Variants in PTPRM observed in about 807,000 individuals in gnomAD.
The protein encoded by PTPRM is protein tyrosine phosphatase receptor type M.
Under a neutral mutation model 186.7 loss-of-function variants are expected in PTPRM, and 47 were observed. The ratio of observed to expected loss-of-function variants is 0.25; its 90% CI spans 0.20 to 0.32. PTPRM has a LOEUF of 0.32. Ranked by LOEUF, PTPRM falls within the 10% of genes least tolerant of loss-of-function variation. The probability of loss-of-function intolerance (pLI) is 1.00; values close to 1 mark genes in which losing one functional copy is unlikely to be tolerated. For synonymous variants in PTPRM, 668 were observed against 674.9 expected, an observed-to-expected ratio of 0.99 and a Z score of 0.16; for missense variants, 1,494 against 1,865.0, an observed-to-expected ratio of 0.80 and a Z score of 3.66.
intron 14 of PTPRM, among the ~76,000 whole-genome samples, chr18:8,231,966 A>T (rs1005549506): frequency 6.6e-6 from 1 of 152,104 alleles, no homozygotes; most frequent in Non-Finnish European, 1.5e-5. Context: ...CATTCTTCAT[A>T]ATGCACCTAC....
chr18:8,240,776 G>C (rs1430629609), intron 14 of PTPRM, among the ~76,000 whole-genome samples: 3 of 61,450 alleles, frequency 4.9e-5, no homozygotes, highest in African/African-American at 9.2e-5. Flanking sequence ...GAGAGAGAGA[G>C]GGAGAGAGAG....
intron 1 of PTPRM, among the ~76,000 whole-genome samples, chr18:7,761,087 A>G (rs1448486242): frequency 6.6e-6 from 1 of 152,214 alleles, no homozygotes; most frequent in African/African-American, 2.4e-5. Context: ...GTTGACCTTG[A>G]GAAGGGTTAA....
intron 1 of PTPRM, among the ~76,000 whole-genome samples, chr18:7,588,045 T>C: frequency 6.6e-6 from 1 of 152,292 alleles, no homozygotes; most frequent in South Asian, 2.1e-4. Context: ...TGTAATAAGT[T>C]ATAAAACCAT....
chr18:8,252,980 T>C lies in PTPRM; in HGVS notation c.2567-247T>C, dbSNP rs1219843182. Reference sequence around the variant, plus strand: ...TGGAAGGCTAAAGGGCTCTTCTCAATTAGCTTTGTGAAAGCAATATATCGT... The same window carrying C: ...TGGAAGGCTAAAGGGCTCTTCTCAACTAGCTTTGTGAAAGCAATATATCGT... On this transcript the variant is annotated intron_variant, in intron 18 of 32. Coordinates refer to ENST00000580170, the MANE Select transcript of PTPRM (RefSeq NM_001105244.2). Among the ~76,000 whole-genome samples the C allele has an allele frequency of 2.0e-5, 3 of 152,254 alleles. No homozygotes were observed. In the East Asian group the frequency reaches 5.8e-4, roughly 29 times the overall value.
In PTPRM at chr18:8,319,122, T is replaced by TA. The variant is rs1197094820; in HGVS notation, c.2920-55dup. ...CTTTCAGCAAAGTTAGCATGCGACT[T>TA]ATCTGCTGTTTATCGATTTTATGTT... On this transcript the variant is annotated intron_variant, in intron 21 of 32. Coordinates refer to ENST00000580170, the MANE Select transcript of PTPRM (RefSeq NM_001105244.2). 3 of 1,208,474 alleles carry TA rather than the reference T, an allele frequency of 2.5e-6. No individual in the cohort carries two copies. In the Admixed American group the frequency reaches 5.8e-5, roughly 23 times the overall value. 74.9% of individuals were successfully genotyped at this position (1,208,474 alleles called of 1,614,324 possible). A position where few individuals can be genotyped will look rare whatever the true frequency, so the allele number is the denominator to read the frequency against.
intron 2 of PTPRM, among the ~76,000 whole-genome samples, chr18:7,887,435 A>G (rs1441785362): frequency 6.6e-6 from 1 of 152,118 alleles, no homozygotes; most frequent in Non-Finnish European, 1.5e-5. Flanking sequence ...GAACACCTCC[A>G]CTGTCAAGGA....
At chr18:8,379,061 C>CTT (rs1312836206) in intron 27 of PTPRM, 106 bp from the exon 28 acceptor site, 3 of 871,448 alleles carry the variant, frequency 3.4e-6, no homozygotes, top group Non-Finnish European at 5.0e-6. Context: ...GGGAAGGGAC[C>CTT]GTCTTGCAGT....
intron 22 of PTPRM, among the ~76,000 whole-genome samples, chr18:8,325,611 C>T (rs2095370918): frequency 6.6e-6 from 1 of 152,128 alleles, no homozygotes; most frequent in Non-Finnish European, 1.5e-5. Context: ...AGTGTGAATA[C>T]TGCTGTGATG....
chr18:8,098,515 T>C (rs2091122011), intron 11 of PTPRM, among the ~76,000 whole-genome samples: 1 of 152,168 alleles, frequency 6.6e-6, no homozygotes, highest in Non-Finnish European at 1.5e-5. Flanking sequence ...TTTTAAATTA[T>C]ATTTTCATCC....
chr18:8,389,791 T>C (rs2095799714), intron 31 of PTPRM, among the ~76,000 whole-genome samples: 1 of 152,154 alleles, frequency 6.6e-6, no homozygotes, highest in Non-Finnish European at 1.5e-5. Context: ...GTCTTCCTCT[T>C]GGAGGTAAGA....
intron 23 of PTPRM, among the ~76,000 whole-genome samples, chr18:8,350,946 T>C (rs1361952145): frequency 1.3e-5 from 2 of 152,150 alleles, no homozygotes; most frequent in Non-Finnish European, 2.9e-5. Flanking sequence ...GCAGAGCCTC[T>C]AGTCGCAGGG....
chr18:7,615,180 A>T (rs2037772084), intron 1 of PTPRM, among the ~76,000 whole-genome samples: 1 of 152,180 alleles, frequency 6.6e-6, no homozygotes, highest in African/African-American at 2.4e-5. Context: ...TAAAACAAAA[A>T]CCTCATCATT....
rs147860450 is a variant in PTPRM at position 8,277,050 on chromosome 18, C to T, written c.2755-19318C>T. On this transcript the variant is annotated intron_variant, in intron 19 of 32. Transcript: ENST00000580170. Reference sequence around the variant, plus strand: ...TGCCTGGGTTCAATTGATTCTCCTGCCTCAGCCCCCTGAGTAGCTGGGACT... The same window carrying T: ...TGCCTGGGTTCAATTGATTCTCCTGTCTCAGCCCCCTGAGTAGCTGGGACT... Among the ~76,000 whole-genome samples the T allele has an allele frequency of 4.9e-4, 74 of 152,084 alleles. 1 individual carries two copies. The highest frequency in any genetic ancestry group is 1.0e-3 in the Non-Finnish European group (68 of 67,992).
Position 7,906,543 on chromosome 18 carries a change from T to C in PTPRM, c.507T>C (p.Tyr169=). The change falls in exon 4 of 33, where the codon TAT becomes TAC. Residue 169 remains tyrosine (Y), a synonymous_variant. Coordinates refer to ENST00000580170, the MANE Select transcript of PTPRM (RefSeq NM_001105244.2). ...FEVITSGHQG[Y]LAIDEVKVLG... ...TGATAACTTCTGGACATCAAGGCTA[T>C]CTCGCTATCGATGAGGTGAAGGTGT... 4.3e-6 allele frequency: 7 copies of C among 1,613,750 alleles called. No individual in the cohort carries two copies. The highest frequency in any genetic ancestry group is 5.9e-6 in the Non-Finnish European group (7 of 1,179,598).
intron 7 of PTPRM, among the ~76,000 whole-genome samples, chr18:7,984,456 T>A (rs1355108387): frequency 1.3e-5 from 2 of 151,248 alleles, no homozygotes; most frequent in African/African-American, 4.9e-5. Flanking sequence ...AAATTGAAAA[T>A]CTGTACAGCT....
Position 7,842,930 on chromosome 18 carries a change from G to GTGTGTGTA in PTPRM, c.197-45175_197-45174insGTGTGTAT, listed in dbSNP as rs377182615. ...CTCATATGTGTGTGTGTGTGTGTGT[G>GTGTGTGTA]TATATATATATATATATAGAGAGAG... On this transcript the variant is annotated intron_variant, in intron 2 of 32. Coordinates refer to ENST00000580170, the MANE Select transcript of PTPRM (RefSeq NM_001105244.2). 2.9e-3 allele frequency among the ~76,000 whole-genome samples: 297 copies of GTGTGTGTA among 100,914 alleles called. 7 individuals carry two copies. The highest frequency in any genetic ancestry group is 0.014 in the African/African-American group (288 of 20,192). The allele number at this position is 100,914 out of a possible 152,430, so 66.2% of individuals were successfully genotyped here. A position where few individuals can be genotyped will look rare whatever the true frequency, so the allele number is the denominator to read the frequency against.
At chr18:8,184,169 T>C (rs2093613586) in intron 14 of PTPRM, among the ~76,000 whole-genome samples, 1 of 152,190 alleles carries the variant, frequency 6.6e-6, no homozygotes, top group Non-Finnish European at 1.5e-5. Context: ...AGACACAGTA[T>C]TCAAGCAGGC....
At position 7,567,943 on chromosome 18, in the gene PTPRM, G is replaced by GCCCGGGACT; in HGVS notation, c.73+60_73+61insTCCCGGGAC. 1 of 1,493,776 alleles carries GCCCGGGACT rather than the reference G, an allele frequency of 6.7e-7. No individual in the cohort carries two copies. Among genetic ancestry groups the GCCCGGGACT allele is most frequent in the Admixed American group, 2.5e-5 (1 of 40,346 alleles). The allele number at this position is 1,493,776 out of a possible 1,614,324, so 92.5% of individuals were successfully genotyped here. On this transcript the variant is annotated intron_variant, in intron 1 of 32. Transcript: ENST00000580170. The surrounding 1 kb of genome is among the most constrained non-coding windows in gnomAD (Gnocchi z 4.3). ...CGAGGCGCGCGGGCCGGCGCGGGAC[G>GCCCGGGACT]CCCGGGACGCCGACAGCTCCCTGGT... is the stretch of plus-strand genomic sequence containing the variant.
chr18:7,620,275 A>G (rs2037906401), intron 1 of PTPRM, among the ~76,000 whole-genome samples: 1 of 151,896 alleles, frequency 6.6e-6, no homozygotes, highest in Non-Finnish European at 1.5e-5. Flanking sequence ...AGGTTTCTAC[A>G]ACATTCTTTC....
Sources: gnomAD v4.1 joint callset for allele counts (sites outside exome capture counted in the v4.1 genomes callset) on GRCh38, gnomAD v4.1.1 for gene constraint, Gnocchi (gnomAD v3.1) non-coding constraint, MANE v1.5 for transcripts, NCBI Gene and HGNC (gene_info 2026-07-23, HGNC 2026-07-21) for gene names.